The following LRRC4C variants were observed in gnomAD, a reference collection of about 807,000 sequenced individuals.
LRRC4C encodes the protein leucine rich repeat containing 4C.
In LRRC4C, 5 loss-of-function variants were observed where a neutral mutation model predicts 33.6. The ratio of observed to expected loss-of-function variants is 0.15; its 90% CI spans 0.08 to 0.31. The LOEUF (loss-of-function observed/expected upper bound fraction) is 0.31, where lower values mean the gene tolerates loss of function less well. Ranked by LOEUF, LRRC4C falls within the 10% of genes least tolerant of loss-of-function variation. The pLI is 1.00. For missense variants in LRRC4C, 560 were observed against 796.7 expected, an observed-to-expected ratio of 0.70 and a Z score of 3.58; for synonymous variants, 329 against 302.0, an observed-to-expected ratio of 1.09 and a Z score of -0.93.
At chr11:40,421,083 T>A (rs1480666460) in intron 3 of LRRC4C, among the ~76,000 whole-genome samples, 3 of 152,226 alleles carry the variant, frequency 2.0e-5, no homozygotes, top group African/African-American at 7.2e-5. Flanking sequence ...CCAGCATTTT[T>A]TTTCACTTCA....
intron 1 of LRRC4C, among the ~76,000 whole-genome samples, chr11:41,425,867 G>A (rs997259599): frequency 7.2e-5 from 11 of 152,054 alleles, no homozygotes; most frequent in African/African-American, 2.2e-4. Context: ...GAGTGGAATC[G>A]GGAGTGAGCA....
At chr11:40,580,577 A>G (rs1958425059) in intron 3 of LRRC4C, among the ~76,000 whole-genome samples, 1 of 152,114 alleles carries the variant, frequency 6.6e-6, no homozygotes, top group Non-Finnish European at 1.5e-5. Flanking sequence ...AATATCTATA[A>G]CCCAAAATAA....
intron 1 of LRRC4C, among the ~76,000 whole-genome samples, chr11:41,168,444 A>G (rs1277287318): frequency 6.6e-6 from 1 of 152,182 alleles, no homozygotes. Context: ...CTGAATGAAC[A>G]CAGGGGATAC....
intron 2 of LRRC4C, among the ~76,000 whole-genome samples, chr11:40,715,709 A>G (rs1382326667): frequency 6.6e-6 from 1 of 152,228 alleles, no homozygotes; most frequent in Non-Finnish European, 1.5e-5. Flanking sequence ...ATATTTCAGG[A>G]AACTTCTATC....
intron 5 of LRRC4C, among the ~76,000 whole-genome samples, chr11:40,169,965 C>T (rs570603561): frequency 5.9e-5 from 9 of 152,140 alleles, no homozygotes; most frequent in African/African-American, 1.2e-4. Flanking sequence ...CTTTTAGTTA[C>T]GAGACAGGTT....
chr11:41,326,709 G>A (rs752088729), intron 1 of LRRC4C, among the ~76,000 whole-genome samples: 1 of 152,128 alleles, frequency 6.6e-6, no homozygotes, highest in Non-Finnish European at 1.5e-5. Context: ...ACTGTGATCC[G>A]CTATGTGAAT....
At chr11:40,373,735 T>C (rs754008136) in intron 3 of LRRC4C, among the ~76,000 whole-genome samples, 12 of 152,122 alleles carry the variant, frequency 7.9e-5, no homozygotes, top group Admixed American at 2.0e-4. Context: ...ATGCGAGAGC[T>C]GGTTACTCAA....
chr11:40,734,323 T>A (rs1947748634), intron 2 of LRRC4C, among the ~76,000 whole-genome samples: 1 of 152,164 alleles, frequency 6.6e-6, no homozygotes, highest in East Asian at 1.9e-4. Context: ...TACATTGAAC[T>A]TTATTCCTAA....
intron 2 of LRRC4C, among the ~76,000 whole-genome samples, chr11:40,662,020 T>G (rs2861992): frequency 6.6e-6 from 1 of 152,126 alleles, no homozygotes; most frequent in Non-Finnish European, 1.5e-5. Flanking sequence ...GGACAGTATG[T>G]GTGTTACACA....
intron 2 of LRRC4C, among the ~76,000 whole-genome samples, chr11:40,694,435 A>G (rs571310444): frequency 1.0e-3 from 156 of 152,280 alleles, no homozygotes; most frequent in African/African-American, 3.6e-3. Context: ...AAATGATTTG[A>G]GAGCAGCAAT....
intron 2 of LRRC4C, among the ~76,000 whole-genome samples, chr11:40,930,201 T>C (rs1170959952): frequency 6.6e-6 from 1 of 152,148 alleles, no homozygotes; most frequent in Non-Finnish European, 1.5e-5. Context: ...GGCTAGAAGG[T>C]AGCCAAGAAA....
intron 3 of LRRC4C, among the ~76,000 whole-genome samples, chr11:40,628,480 A>AAAAACAAAAC (rs79916766): frequency 0.016 from 2,486 of 150,930 alleles, 33 homozygotes; most frequent in Admixed American, 0.023. Flanking sequence ...TCCATCTCAA[A>AAAAACAAAAC]AAAACAAAAC....
intron 1 of LRRC4C, among the ~76,000 whole-genome samples, chr11:41,325,575 T>TGTGTGTGTGTGTGTGTGTG (rs369877294): frequency 8.5e-6 from 1 of 117,498 alleles, no homozygotes; most frequent in African/African-American, 3.3e-5. Context: ...AGTTTTTTTT[T>TGTGTGTGTGTGTGTGTGTG]TTTGTGTGTG....
At chr11:41,153,331 T>TC (rs1336258844) in intron 1 of LRRC4C, among the ~76,000 whole-genome samples, 1 of 152,194 alleles carries the variant, frequency 6.6e-6, no homozygotes, top group Non-Finnish European at 1.5e-5. Context: ...GTTGTTGTTT[T>TC]TTCTCATCTT....
intron 2 of LRRC4C, among the ~76,000 whole-genome samples, chr11:40,812,326 TCTC>T (rs1203873698): frequency 6.6e-6 from 1 of 152,200 alleles, no homozygotes; most frequent in Non-Finnish European, 1.5e-5. Context: ...TACACAGTCT[TCTC>T]CTTTATAGAA....
chr11:41,408,296 G>GTGTA (rs1236119597), intron 1 of LRRC4C, among the ~76,000 whole-genome samples: 16 of 152,268 alleles, frequency 1.1e-4, no homozygotes, highest in Admixed American at 2.0e-4. Context: ...GGGTTAAAAA[G>GTGTA]ATTACAAACT....
intron 1 of LRRC4C, among the ~76,000 whole-genome samples, chr11:41,057,146 C>T (rs1485753404): frequency 2.0e-5 from 3 of 152,204 alleles, no homozygotes; most frequent in Admixed American, 6.5e-5. Context: ...CCCCGACCTT[C>T]GCAGGCTTGG....
intron 2 of LRRC4C, among the ~76,000 whole-genome samples, chr11:40,717,853 A>G (rs1946809932): frequency 6.6e-6 from 1 of 152,216 alleles, no homozygotes; most frequent in African/African-American, 2.4e-5. Context: ...TACATAAAGT[A>G]TGAAGATATG....
intron 1 of LRRC4C, among the ~76,000 whole-genome samples, chr11:41,385,593 T>G (rs1240070927): frequency 6.6e-6 from 1 of 151,752 alleles, no homozygotes; most frequent in Non-Finnish European, 1.5e-5. Flanking sequence ...TATCTATTCA[T>G]GCTTGTGAGA....
Sources: allele counts gnomAD v4.1 joint callset (sites outside exome capture counted in the v4.1 genomes callset), GRCh38; gene constraint gnomAD v4.1.1; transcripts MANE v1.5; gene names NCBI Gene and HGNC (gene_info 2026-07-23, HGNC 2026-07-21).